ESYT1: variants seen among roughly 807,000 people sequenced by gnomAD.
The protein encoded by ESYT1 is extended synaptotagmin-1.
Under a neutral mutation model 154.2 loss-of-function variants are expected in ESYT1, and 116 were observed. The observed-to-expected ratio is 0.75, with a 90% confidence interval of 0.65 to 0.88. The LOEUF (loss-of-function observed/expected upper bound fraction) is 0.88, where lower values mean the gene tolerates loss of function less well. Among genes scored for constraint, ESYT1 ranks in the 40% least tolerant of loss-of-function variants. The pLI is 0.00. For missense variants in ESYT1, 1,264 were observed against 1,379.3 expected (o/e 0.92, Z 1.32); for synonymous variants, 500 against 539.9 (o/e 0.93, Z 1.02).
intron 14 of ESYT1, 29 bp from the exon 15 acceptor site, chr12:56,134,313 C>T (rs748160645): frequency 4.6e-5 from 74 of 1,608,848 alleles, no homozygotes; most frequent in Non-Finnish European, 5.7e-5. Flanking sequence ...CTGTGGTATA[C>T]ACCCTTAATC....
chr12:56,143,370 G>A (rs749037383), intron 29 of ESYT1, 37 bp downstream of exon 29: 2 of 1,599,500 alleles, frequency 1.3e-6, no homozygotes, highest in South Asian at 1.1e-5. Context: ...GGTGAGGGCT[G>A]GAAGCTGCTG....
Position 56,128,395 on chromosome 12 carries a change from C to G in ESYT1, c.76C>G (p.Gln26Glu). The G allele has an allele frequency of 1.2e-6, 2 of 1,611,730 alleles. No homozygotes were observed. The highest frequency in any genetic ancestry group is 1.7e-6 in the Non-Finnish European group (2 of 1,178,878). ...QPSAPSDPTD[Q>E]PPAAHAKPDP... is the part of the protein sequence containing the mutation. ...CTCTGCTCCCTCCGACCCCACTGACCAGCCCCCCGCTGCTCACGCAAAGCC... is the reference window on the plus strand; with the variant it reads ...CTCTGCTCCCTCCGACCCCACTGACGAGCCCCCCGCTGCTCACGCAAAGCC... Residue 26 changes from glutamine to glutamate, a missense_variant, in exon 1 of 31, where the codon CAG becomes GAG. Coordinates refer to ENST00000394048, the MANE Select transcript of ESYT1 (RefSeq NM_015292.3).
chr12:56,141,223 C>T (rs182440041), intron 24 of ESYT1, among the ~76,000 whole-genome samples: 2 of 152,186 alleles, frequency 1.3e-5, no homozygotes, highest in East Asian at 3.9e-4. Flanking sequence ...TTAATGCTAG[C>T]AGAGTAGAAA....
chr12:56,141,702 T>C (rs1390231795), intron 24 of ESYT1, among the ~76,000 whole-genome samples: 1 of 152,124 alleles, frequency 6.6e-6, no homozygotes, highest in Non-Finnish European at 1.5e-5. Context: ...ATTGCGCCAC[T>C]GCACTCCAGC....
rs2136870778 is a variant in ESYT1 at position 56,132,209 on chromosome 12, C to G, written c.861C>G (p.Ser287Arg). Residue 287 changes from serine (S) to arginine (R), a missense_variant and splice_region_variant, in exon 8 of 31, where the codon AGC becomes AGG. Coordinates refer to ENST00000394048, the MANE Select transcript of ESYT1 (RefSeq NM_015292.3). ...CACTCCTTTCTACTCCCCCATTCAG[C>G]TCACTCTCTGACACCATGATCATGG... is the stretch of plus-strand genomic sequence containing the variant. ...MTNLLDIPGL[S>R]SLSDTMIMDS... 1 of 1,614,170 alleles carries G rather than the reference C, an allele frequency of 6.2e-7. No homozygotes were observed. Among genetic ancestry groups the G allele is most frequent in the African/African-American group, 1.3e-5 (1 of 75,018 alleles).
chr12:56,136,966 G>A, intron 16 of ESYT1, 73 bp downstream of exon 16: 1 of 1,502,562 alleles, frequency 6.7e-7, no homozygotes, highest in South Asian at 1.3e-5. Flanking sequence ...AGTAAGGAAA[G>A]GGACCCCCCT....
chr12:56,141,500 G>A (rs1323651475), intron 24 of ESYT1, among the ~76,000 whole-genome samples: 1 of 152,214 alleles, frequency 6.6e-6, no homozygotes, highest in African/African-American at 2.4e-5. Context: ...CAGCACTTTG[G>A]GAGGCCAAGG....
intron 1 of ESYT1, 91 bp downstream of exon 1, chr12:56,128,800 C>G: frequency 6.6e-7 from 1 of 1,517,644 alleles, no homozygotes; most frequent in African/African-American, 1.4e-5. Context: ...GAGTCAGCTC[C>G]CTGCCTTGGG....
At chr12:56,135,396 T>C (rs1302946807) in intron 15 of ESYT1, among the ~76,000 whole-genome samples, 2 of 151,042 alleles carry the variant, frequency 1.3e-5, no homozygotes, top group African/African-American at 4.9e-5. Context: ...GGTCTCGAAC[T>C]CCCAACCTCA....
At chr12:56,133,486 G>A in intron 11 of ESYT1, 21 bp downstream of exon 11, 1 of 1,614,218 alleles carries the variant, frequency 6.2e-7, no homozygotes, top group Admixed American at 1.7e-5. Flanking sequence ...AGAAGAGGAA[G>A]GTGGGGGCTG....
chr12:56,138,028 G>A lies in ESYT1; in HGVS notation c.2201G>A (p.Cys734Tyr), dbSNP rs770026021. The A allele has an allele frequency of 3.1e-6, 5 of 1,614,180 alleles. No homozygotes were observed. The South Asian group carries it at 4.4e-5, about 14-fold the overall frequency. The change falls in exon 20 of 31, where the codon TGT becomes TAT. Residue 734 changes from cysteine to tyrosine, a missense_variant and splice_region_variant. Cys to Tyr is a radical substitution (Grantham distance 194). Coordinates refer to ENST00000394048, the MANE Select transcript of ESYT1 (RefSeq NM_015292.3). ...GTCTTAATCTTTCTCTTCAACAGGT[G>A]TAAAGTGCGTCTCACCACAGTCTTA... ...DLDKDDFLGR[C>Y]KVRLTTVLNS...
rs1436106696 is a variant in ESYT1, at chr12:56,142,863, G to C, written c.2917G>C (p.Gly973Arg). The change falls in exon 27 of 31, where the codon GGC (glycine) becomes CGC (arginine). Residue 973 changes from glycine to arginine, a missense_variant. Transcript: ENST00000394048. The surrounding 1 kb of genome is among the most constrained non-coding windows in gnomAD (Gnocchi z 4.1). ...SPLEAPAGPL[G>R]QVKLTLWYYS... ...CCTTGAGGCTCCAGCCGGGCCTCTG[G>C]GCCAGGTGAAACTGACTCTGTGGTA... 1 of 1,614,196 alleles carries C rather than the reference G, an allele frequency of 6.2e-7. No homozygotes were observed. The highest frequency in any genetic ancestry group is 1.7e-5 in the Admixed American group (1 of 60,018).
chr12:56,138,367 C>T, intron 21 of ESYT1, 37 bp from the exon 22 acceptor site: 1 of 1,611,772 alleles, frequency 6.2e-7, no homozygotes, highest in Non-Finnish European at 8.5e-7. Flanking sequence ...CCCAAGGTGT[C>T]AGTTACCACT....
chr12:56,138,862 A>G (rs758779709), intron 23 of ESYT1, 23 bp downstream of exon 23: 2 of 1,613,064 alleles, frequency 1.2e-6, no homozygotes, highest in East Asian at 2.2e-5. Flanking sequence ...GCTGCAGGGT[A>G]AAAATGGGAG....
chr12:56,140,574 G>A (rs1302988055), intron 24 of ESYT1, among the ~76,000 whole-genome samples: 1 of 152,098 alleles, frequency 6.6e-6, no homozygotes, highest in African/African-American at 2.4e-5. Context: ...ATGTTGGTCA[G>A]GCTGGTCTCT....
rs1290473289 is a variant in ESYT1, at chr12:56,133,848, AC to A, written c.1450del (p.Leu484TrpfsTer9). On this transcript the variant is annotated frameshift_variant, in exon 13 of 31. Coordinates refer to ENST00000394048, the MANE Select transcript of ESYT1 (RefSeq NM_015292.3). LOFTEE classifies it high-confidence loss of function. ...DPPSAAILVVYLDRAQDLPLK... is the reference protein window; with the variant it reads ...DPPSAAILVVXLDRAQDLPLK... Reference sequence around the variant, plus strand: ...CCGTCAGCTGCCATCTTAGTTGTCTACCTGGATCGGGCCCAGGATCTTCCTG... The same window carrying A: ...CCGTCAGCTGCCATCTTAGTTGTCTACTGGATCGGGCCCAGGATCTTCCTG... 1.9e-6 allele frequency: 3 copies of A among 1,614,096 alleles called. No individual in the cohort carries two copies. Among genetic ancestry groups the A allele is most frequent in the South Asian group, 2.2e-5 (2 of 91,086 alleles).
At chr12:56,141,544 T>G (rs886121593) in intron 24 of ESYT1, among the ~76,000 whole-genome samples, 9 of 152,030 alleles carry the variant, frequency 5.9e-5, no homozygotes, top group South Asian at 4.1e-4. Flanking sequence ...ATCGAGACCA[T>G]CCTGGCTAAC....
rs138821327 is a variant in ESYT1 at position 56,133,046 on chromosome 12, GGGA to G, written c.1244+253_1244+255del. ...AGGCAGGAGAATGGTGGGTGAACCC[GGGA>G]GGAGGAGTTTGCAGTGAGCCGAGAT... On this transcript the variant is annotated intron_variant, in intron 10 of 30. Coordinates refer to ENST00000394048, the MANE Select transcript of ESYT1 (RefSeq NM_015292.3). Among the ~76,000 whole-genome samples the G allele has an allele frequency of 3.3e-3, 509 of 152,100 alleles. 5 individuals are homozygous for G. The highest frequency in any genetic ancestry group is 0.012 in the African/African-American group (491 of 41,458).
chr12:56,138,638 C>G, intron 22 of ESYT1, 130 bp from the exon 23 acceptor site: 1 of 1,268,960 alleles, frequency 7.9e-7, no homozygotes, highest in Non-Finnish European at 1.1e-6. Context: ...GAAAAGTTGT[C>G]TGTTCAAGGC....
Sources: allele counts gnomAD v4.1 joint callset (sites outside exome capture counted in the v4.1 genomes callset), GRCh38; gene constraint gnomAD v4.1.1; non-coding constraint Gnocchi (gnomAD v3.1); transcripts MANE v1.5; gene names NCBI Gene and HGNC (gene_info 2026-07-23, HGNC 2026-07-21).